The following HS3ST3B1 variants were observed in gnomAD, a reference collection of about 807,000 sequenced individuals.
HS3ST3B1 encodes the protein heparan sulfate-glucosamine 3-sulfotransferase 3B1, also known as heparan sulfate glucosamine 3-O-sulfotransferase 3B1.
HS3ST3B1 carries 13 observed loss-of-function variants against 21.3 expected under a neutral mutation model. The ratio of observed to expected loss-of-function variants is 0.61; its 90% CI spans 0.40 to 0.97. HS3ST3B1 has a LOEUF of 0.97. HS3ST3B1 is among the 50% of genes least tolerant of loss of function. The pLI is 0.00. For synonymous variants in HS3ST3B1, 234 were observed against 254.8 expected (o/e 0.92, Z 0.78); for missense variants, 459 against 554.8 (o/e 0.83, Z 1.73).
At chr17:14,335,592 G>C (rs543471657) in intron 1 of HS3ST3B1, among the ~76,000 whole-genome samples, 2 of 152,050 alleles carry the variant, frequency 1.3e-5, no homozygotes, top group African/African-American at 4.8e-5. Flanking sequence ...TACTCTGGAA[G>C]CTGAGGCAGG....
At chr17:14,330,281 T>C (rs1479823805) in intron 1 of HS3ST3B1, among the ~76,000 whole-genome samples, 1 of 152,028 alleles carries the variant, frequency 6.6e-6, no homozygotes, top group Non-Finnish European at 1.5e-5. Flanking sequence ...ACCCTACTGC[T>C]GGCTGTAGGA....
At position 14,346,250 on chromosome 17, in the gene HS3ST3B1, T is replaced by TTC. The variant is rs1555550624; in HGVS notation, c.*605_*606insCT. ...GACATCCACATCCTTTTTTTTTCTT[T>TTC]TTTTTTTTTTTTTTTTTTTGAGATG... On this transcript the variant is annotated 3_prime_UTR_variant, in exon 2 of 2. Transcript: ENST00000360954. The TTC allele has an allele frequency of 9.4e-3, 1,189 of 126,452 alleles. 6 individuals are homozygous for TTC. The highest frequency in any genetic ancestry group is 0.056 in the Middle Eastern group (13 of 232). The allele number at this position is 126,452 out of a possible 1,614,324, so 7.8% of individuals were successfully genotyped here.
At chr17:14,337,308 C>T (rs1315519573) in intron 1 of HS3ST3B1, among the ~76,000 whole-genome samples, 2 of 150,342 alleles carry the variant, frequency 1.3e-5, no homozygotes, top group Non-Finnish European at 3.0e-5. Flanking sequence ...TGTTTAGGGG[C>T]AACAAGTATC....
At chr17:14,318,832 A>G (rs1234258365) in intron 1 of HS3ST3B1, among the ~76,000 whole-genome samples, 1 of 152,240 alleles carries the variant, frequency 6.6e-6, no homozygotes, top group Non-Finnish European at 1.5e-5. Flanking sequence ...ACAGAAGTAC[A>G]GAACAAGCCC....
chr17:14,313,124 G>GTGTGTGTGTGTATATATATATATA (rs1909381218), intron 1 of HS3ST3B1, among the ~76,000 whole-genome samples: 1 of 128,798 alleles, frequency 7.8e-6, no homozygotes, highest in Non-Finnish European at 1.6e-5. Context: ...ATATATATAT[G>GTGTGTGTGTGTATATATATATATA]TGTGTGTGTG....
intron 1 of HS3ST3B1, among the ~76,000 whole-genome samples, chr17:14,344,276 C>G (rs149931781): frequency 1.5e-3 from 228 of 152,216 alleles, no homozygotes; most frequent in African/African-American, 4.9e-3. Context: ...GATGCATGTG[C>G]AGGAATTTGT....
Position 14,345,121 on chromosome 17 carries a change from C to T in HS3ST3B1, c.648C>T (p.Ala216=), listed in dbSNP as rs914929244. ...GGGAGGCCCCTGCGCGCATCTCGGC[C>T]ATGTCCAAGGACACCAAGCTCATCG... The part of the protein sequence containing the change: ...VTREAPARIS[A]MSKDTKLIVV... The change falls in exon 2 of 2, where the codon GCC becomes GCT. Residue 216 remains alanine, a synonymous_variant. Transcript: ENST00000360954. The T allele has an allele frequency of 1.3e-6, 2 of 1,579,860 alleles. No individual in the cohort carries two copies. Among genetic ancestry groups the T allele is most frequent in the Non-Finnish European group, 1.7e-6 (2 of 1,159,804 alleles).
chr17:14,331,855 G>C (rs1910024302), intron 1 of HS3ST3B1, among the ~76,000 whole-genome samples: 1 of 152,122 alleles, frequency 6.6e-6, no homozygotes, highest in Non-Finnish European at 1.5e-5. Context: ...TCTCAGAAAG[G>C]GTGGCTTTGA....
intron 1 of HS3ST3B1, among the ~76,000 whole-genome samples, chr17:14,307,390 C>T (rs1909168842): frequency 1.4e-5 from 2 of 144,090 alleles, no homozygotes; most frequent in African/African-American, 5.2e-5. Context: ...TTCTGTGTTT[C>T]TAGTTTGATG....
At chr17:14,331,044 A>T (rs1909994823) in intron 1 of HS3ST3B1, among the ~76,000 whole-genome samples, 1 of 152,158 alleles carries the variant, frequency 6.6e-6, no homozygotes, top group Admixed American at 6.5e-5. Flanking sequence ...GCCCCTGCCC[A>T]TTGGCAGCAC....
chr17:14,343,110 T>C (rs949530086), intron 1 of HS3ST3B1, among the ~76,000 whole-genome samples: 1 of 151,836 alleles, frequency 6.6e-6, no homozygotes, highest in Non-Finnish European at 1.5e-5. Flanking sequence ...GGTGTGGTGG[T>C]GGGCGCCTGT....
At chr17:14,334,569 C>G (rs1282674550) in intron 1 of HS3ST3B1, among the ~76,000 whole-genome samples, 1 of 152,102 alleles carries the variant, frequency 6.6e-6, no homozygotes, top group Non-Finnish European at 1.5e-5. Context: ...TAAACTCCCC[C>G]ATTATCAATA....
At position 14,346,478 on chromosome 17, in the gene HS3ST3B1, C is replaced by G. The variant is rs1040114130; in HGVS notation, c.*832C>G. The G allele has an allele frequency of 6.6e-6, 1 of 151,896 alleles. No individual in the cohort carries two copies. Among genetic ancestry groups the G allele is most frequent in the Non-Finnish European group, 1.5e-5 (1 of 68,032 alleles). The allele number at this position is 151,896 out of a possible 1,614,324, so 9.4% of individuals were successfully genotyped here. On this transcript the variant is annotated 3_prime_UTR_variant, in exon 2 of 2. Coordinates refer to ENST00000360954, the MANE Select transcript of HS3ST3B1 (RefSeq NM_006041.3). ...GTTGGTCAGGCTGGTATCAAACTCC[C>G]GACCTCAGGTGATCCGCCTGCCTTG...
chr17:14,304,912 T>A (rs1462388040), intron 1 of HS3ST3B1: 1 of 152,120 alleles, frequency 6.6e-6, no homozygotes, highest in Non-Finnish European at 1.5e-5. Flanking sequence ...TGTCTGTGAG[T>A]CGTTAATGGG....
intron 1 of HS3ST3B1, chr17:14,329,355 AAGAAAGAAAGAAAAGG>A (rs1384362608): frequency 4.5e-5 from 5 of 112,242 alleles, no homozygotes; most frequent in African/African-American, 1.8e-4. Context: ...GAAAGAAAGA[AAGAAAGAAAGAAAAGG>A]AAGGAAGGAA....
At chr17:14,302,142 A>G (rs972656824) in intron 1 of HS3ST3B1, 70 bp downstream of exon 1, 20 of 1,486,028 alleles carry the variant, frequency 1.3e-5, no homozygotes, top group Non-Finnish European at 1.7e-5. Context: ...GACATGGCGT[A>G]TGATAGGGAA....
rs889025127 is a variant in HS3ST3B1 at position 14,303,563 on chromosome 17, G to C, written c.554+1491G>C. Among the ~76,000 whole-genome samples the C allele has an allele frequency of 2.6e-5, 4 of 152,194 alleles. No homozygotes were observed. Among genetic ancestry groups the C allele is most frequent in the African/African-American group, 9.7e-5 (4 of 41,440 alleles). On this transcript the variant is annotated intron_variant, in intron 1 of 1. Transcript: ENST00000360954. This position sits in a 1 kb window ranked among gnomAD's most constrained non-coding sequence, Gnocchi z 5.7. ...TGGGGTCTCTGGAGTCCGACGCCTG[G>C]ATTCACGTCCTGGCTAGTCGCGTGA...
Position 14,301,726 on chromosome 17 carries a change from G to T in HS3ST3B1, c.208G>T (p.Ala70Ser). The T allele has an allele frequency of 3.1e-6, 5 of 1,601,122 alleles. No homozygotes were observed. The highest frequency in any genetic ancestry group is 3.4e-6 in the Non-Finnish European group (4 of 1,175,782). ...GCTGCTCCTGGGCTCTGGGTCCCGC[G>T]CCGCACACGACCCGCCAGCCCTGGC... The part of the protein sequence containing the change: ...GLLLLGSGSR[A>S]AHDPPALATA... The change falls in exon 1 of 2, where the codon GCC (alanine) becomes TCC (serine). Residue 70 changes from alanine (A) to serine (S), a missense_variant. Ala to Ser is a moderately conservative substitution (Grantham distance 99). Around this residue, in one of 3 missense-constraint regions of HS3ST3B1, gnomAD observed 317 missense variants for 278.6 expected, o/e 1.14. Transcript: ENST00000360954.
intron 1 of HS3ST3B1, among the ~76,000 whole-genome samples, chr17:14,306,951 C>G (rs756414992): frequency 6.6e-6 from 1 of 152,082 alleles, no homozygotes; most frequent in Non-Finnish European, 1.5e-5. Flanking sequence ...TAATTAGGCA[C>G]CTAAATTAGA....
Sources: allele counts gnomAD v4.1 joint callset (sites outside exome capture counted in the v4.1 genomes callset), GRCh38; gene constraint gnomAD v4.1.1; regional missense constraint gnomAD v4.1.1; non-coding constraint Gnocchi (gnomAD v3.1); transcripts MANE v1.5; gene names NCBI Gene and HGNC (gene_info 2026-07-23, HGNC 2026-07-21).